EPHB2: variants seen among roughly 807,000 people sequenced by gnomAD.
EPHB2 encodes the protein EPH receptor B2.
Under a neutral mutation model 96.4 loss-of-function variants are expected in EPHB2, and 18 were observed. The observed-to-expected ratio is 0.19, with a 90% confidence interval of 0.13 to 0.28. EPHB2 has a LOEUF of 0.28. Among genes scored for constraint, EPHB2 ranks in the 10% least tolerant of loss-of-function variants. The probability of loss-of-function intolerance (pLI) is 1.00; values close to 1 mark genes in which losing one functional copy is unlikely to be tolerated. For missense variants in EPHB2, 989 were observed against 1,355.4 expected (o/e 0.73, Z 4.25); for synonymous variants, 506 against 534.1 (o/e 0.95, Z 0.72).
In EPHB2 at chr1:22,910,579, A is replaced by AGGCCCCACCCT; in HGVS notation, c.2696+10_2696+20dup. 6.3e-7 allele frequency: 1 copy of AGGCCCCACCCT among 1,584,420 alleles called. No individual in the cohort carries two copies. On this transcript the variant is annotated splice_donor_region_variant and intron_variant, in intron 14 of 15. Transcript: ENST00000374630. ...CCATGGCGCCCCTCTCCTCTGGGTA[A>AGGCCCCACCCT]GGCCCCACCCTGGCCCTGCCCCAGC... is the stretch of plus-strand genomic sequence containing the variant.
chr1:22,728,936 A>G (rs1158120467), intron 1 of EPHB2, among the ~76,000 whole-genome samples: 1 of 152,162 alleles, frequency 6.6e-6, no homozygotes, highest in African/African-American at 2.4e-5. Flanking sequence ...CCCTGACGGC[A>G]TCTGTCCCAA....
Position 22,891,800 on chromosome 1 carries a change from T to G in EPHB2, c.1429-1084T>G, listed in dbSNP as rs75952695. 5.4e-3 allele frequency among the ~76,000 whole-genome samples: 792 copies of G among 148,022 alleles called. 14 individuals carry two copies. The highest frequency in any genetic ancestry group is 0.013 in the African/African-American group (514 of 40,578). ...GTCTGGTTTCTTTTTTTTTTGTTGT[T>G]GTTGTATTTTTTTAGATAGGGTTTT... is the stretch of plus-strand genomic sequence containing the variant. On this transcript the variant is annotated intron_variant, in intron 6 of 15. Transcript: ENST00000374630.
chr1:22,789,371 T>C (rs1009900686), intron 3 of EPHB2, among the ~76,000 whole-genome samples: 1 of 151,764 alleles, frequency 6.6e-6, no homozygotes, highest in South Asian at 2.1e-4. Flanking sequence ...AGATGGAGAG[T>C]GGGGGAGTCC....
At chr1:22,885,131 G>A (rs955262159) in intron 6 of EPHB2, among the ~76,000 whole-genome samples, 3 of 152,132 alleles carry the variant, frequency 2.0e-5, no homozygotes, top group Admixed American at 6.5e-5. Context: ...CAGGAGTCCT[G>A]GGTCACCAAA....
intron 9 of EPHB2, among the ~76,000 whole-genome samples, chr1:22,905,723 C>T (rs1639889874): frequency 6.6e-6 from 1 of 152,202 alleles, no homozygotes; most frequent in African/African-American, 2.4e-5. Flanking sequence ...CTCCAGAAAA[C>T]CACTGTTGAT....
intron 1 of EPHB2, 66 bp from the exon 2 acceptor site, chr1:22,781,355 C>A: frequency 2.7e-6 from 4 of 1,476,582 alleles, no homozygotes; most frequent in Non-Finnish European, 3.8e-6. Flanking sequence ...AGGATGAGGG[C>A]CCAACAGAAA....
At chr1:22,736,923 G>A (rs545649011) in intron 1 of EPHB2, among the ~76,000 whole-genome samples, 22 of 152,134 alleles carry the variant, frequency 1.4e-4, no homozygotes, top group Non-Finnish European at 2.6e-4. Context: ...CGGATCAGCC[G>A]CCACCTTGGC....
intron 1 of EPHB2, among the ~76,000 whole-genome samples, chr1:22,714,287 T>C (rs550853645): frequency 3.5e-4 from 53 of 152,328 alleles, no homozygotes; most frequent in African/African-American, 1.1e-3. Context: ...TATGCTGTTA[T>C]GCATTGCCTC....
Position 22,913,683 on chromosome 1 carries a change from G to A in EPHB2, c.*113G>A, listed in dbSNP as rs775808448. 94 of 1,603,556 alleles carry A rather than the reference G, an allele frequency of 5.9e-5. 1 individual carries two copies. The highest frequency in any genetic ancestry group is 5.0e-4 in the Middle Eastern group (3 of 6,054). On this transcript the variant is annotated 3_prime_UTR_variant, in exon 16 of 16. Transcript: ENST00000374630. The surrounding 1 kb of genome is among the most constrained non-coding windows in gnomAD (Gnocchi z 4.1). ...GGCCAGCCACTCGCCAGGAGGCCACGGGCCACGGGAAGAACCAAGCGGTGC... is the reference window on the plus strand; with the variant it reads ...GGCCAGCCACTCGCCAGGAGGCCACAGGCCACGGGAAGAACCAAGCGGTGC...
At chr1:22,905,860 A>C in intron 9 of EPHB2, 127 bp from the exon 10 acceptor site, 1 of 1,445,374 alleles carries the variant, frequency 6.9e-7, no homozygotes, top group Non-Finnish European at 9.6e-7. Flanking sequence ...ACCTGCAGGG[A>C]GTTGCCCAGT....
intron 3 of EPHB2, among the ~76,000 whole-genome samples, chr1:22,823,772 C>T (rs1192246128): frequency 6.6e-6 from 1 of 152,268 alleles, no homozygotes; most frequent in Non-Finnish European, 1.5e-5. Flanking sequence ...AGCTTTTCCT[C>T]ATCTCTGTTT....
chr1:22,787,023 T>C (rs1245115331), intron 3 of EPHB2, among the ~76,000 whole-genome samples: 1 of 152,212 alleles, frequency 6.6e-6, no homozygotes, highest in Non-Finnish European at 1.5e-5. Flanking sequence ...GTTTGTTCAG[T>C]CATCAAACTT....
intron 1 of EPHB2, among the ~76,000 whole-genome samples, chr1:22,713,513 C>T (rs973929386): frequency 6.6e-6 from 1 of 152,140 alleles, no homozygotes; most frequent in Non-Finnish European, 1.5e-5. Flanking sequence ...AGGATCAGAC[C>T]AGATGATGGG....
At chr1:22,845,970 T>A (rs1270506215) in intron 3 of EPHB2, among the ~76,000 whole-genome samples, 1 of 151,732 alleles carries the variant, frequency 6.6e-6, no homozygotes, top group African/African-American at 2.4e-5. Context: ...GGGATCTTGG[T>A]GAGTTTTGGG....
chr1:22,837,913 T>C (rs546808532), intron 3 of EPHB2, among the ~76,000 whole-genome samples: 1 of 152,194 alleles, frequency 6.6e-6, no homozygotes, highest in South Asian at 2.1e-4. Context: ...ACCCCTTCCC[T>C]CCCTTTCTAG....
chr1:22,838,611 G>A (rs369539228), intron 3 of EPHB2, among the ~76,000 whole-genome samples: 3 of 152,246 alleles, frequency 2.0e-5, no homozygotes, highest in East Asian at 3.9e-4. Flanking sequence ...TCCTGTCCCC[G>A]AAAATCTAGT....
intron 1 of EPHB2, among the ~76,000 whole-genome samples, chr1:22,771,960 G>C (rs538094200): frequency 1.3e-5 from 2 of 152,192 alleles, no homozygotes; most frequent in South Asian, 4.2e-4. Flanking sequence ...CGTCCCTCAG[G>C]GTTGTCATGG....
At chr1:22,745,754 G>C (rs1643965267) in intron 1 of EPHB2, among the ~76,000 whole-genome samples, 1 of 148,608 alleles carries the variant, frequency 6.7e-6, no homozygotes, top group Non-Finnish European at 1.5e-5. Context: ...TTGGCAATGG[G>C]GGGCTTTGTT....
At chr1:22,770,590 A>G (rs1052900554) in intron 1 of EPHB2, among the ~76,000 whole-genome samples, 2 of 152,252 alleles carry the variant, frequency 1.3e-5, no homozygotes, top group African/African-American at 4.8e-5. Context: ...TTAAACCTGC[A>G]TGCAACAGGA....
Sources: gnomAD v4.1 joint callset for allele counts (sites outside exome capture counted in the v4.1 genomes callset) on GRCh38, gnomAD v4.1.1 for gene constraint, Gnocchi (gnomAD v3.1) non-coding constraint, MANE v1.5 for transcripts, NCBI Gene and HGNC (gene_info 2026-07-23, HGNC 2026-07-21) for gene names.